Variants in MACROD2 observed in about 807,000 individuals in gnomAD.
MACROD2 encodes mono-ADP ribosylhydrolase 2.
Under a neutral mutation model 70.4 loss-of-function variants are expected in MACROD2, and 36 were observed. That is an observed-to-expected ratio of 0.51 (90% confidence interval 0.39 to 0.68). The LOEUF is 0.68. MACROD2 is among the 30% of genes least tolerant of loss of function. The pLI is 0.00. For synonymous variants in MACROD2, 172 were observed against 178.8 expected (o/e 0.96, Z 0.30); for missense variants, 496 against 538.4 (o/e 0.92, Z 0.78).
At chr20:16,038,045 CTTT>C (rs57617707) in intron 15 of MACROD2, among the ~76,000 whole-genome samples, 7 of 146,748 alleles carry the variant, frequency 4.8e-5, no homozygotes, top group Non-Finnish European at 7.6e-5. Flanking sequence ...ATTTGAAAAT[CTTT>C]TTTTTTTTAA....
chr20:14,108,489 A>C (rs1374023646), intron 3 of MACROD2, among the ~76,000 whole-genome samples: 1 of 151,866 alleles, frequency 6.6e-6, no homozygotes, highest in Non-Finnish European at 1.5e-5. Flanking sequence ...AAAAAAAAAA[A>C]AGCTAGACCC....
At chr20:15,830,545 A>G (rs898069825) in intron 8 of MACROD2, among the ~76,000 whole-genome samples, 5 of 152,222 alleles carry the variant, frequency 3.3e-5, no homozygotes, top group Non-Finnish European at 7.3e-5. Flanking sequence ...ATTAAACGAC[A>G]CAGAATGAGG....
intron 4 of MACROD2, among the ~76,000 whole-genome samples, chr20:14,532,466 G>T (rs1360121400): frequency 1.3e-5 from 2 of 150,966 alleles, no homozygotes; most frequent in African/African-American, 2.4e-5. Flanking sequence ...CTCGTGATCC[G>T]CACGTCTCAG....
At chr20:14,480,025 A>C (rs1461344652) in intron 3 of MACROD2, among the ~76,000 whole-genome samples, 1 of 151,958 alleles carries the variant, frequency 6.6e-6, no homozygotes, top group Non-Finnish European at 1.5e-5. Flanking sequence ...TAATAAGTGC[A>C]TGCCACCATG....
chr20:14,372,677 G>C (rs1189197795), intron 3 of MACROD2, among the ~76,000 whole-genome samples: 7 of 151,986 alleles, frequency 4.6e-5, no homozygotes, highest in African/African-American at 1.7e-4. Flanking sequence ...TTATTTCTTA[G>C]TTATGGTAGA....
At chr20:14,023,612 T>G (rs1189049369) in intron 2 of MACROD2, among the ~76,000 whole-genome samples, 1 of 152,238 alleles carries the variant, frequency 6.6e-6, no homozygotes, top group East Asian at 1.9e-4. Context: ...TTCAGTTTTC[T>G]GCATATGGCT....
At chr20:14,906,561 T>G (rs1205464188) in intron 5 of MACROD2, among the ~76,000 whole-genome samples, 1 of 152,156 alleles carries the variant, frequency 6.6e-6, no homozygotes, top group African/African-American at 2.4e-5. Flanking sequence ...CACTTCCTAA[T>G]AGCTTGCTTC....
chr20:15,936,992 C>T (rs6105500), intron 11 of MACROD2, among the ~76,000 whole-genome samples: 3,464 of 152,196 alleles, frequency 0.023, 71 homozygotes, highest in African/African-American at 0.05. Context: ...CCCCTTCTTC[C>T]AGGCCTCTGT....
chr20:14,151,642 T>C lies in MACROD2; in HGVS notation c.271+65914T>C, dbSNP rs577604835. On this transcript the variant is annotated intron_variant, in intron 3 of 17. Transcript: ENST00000684519. ...TTGAGTATAATTGTAACCAATTTTATGGTAATTATTTTTGAAAGAAAAACA... is the reference window on the plus strand; with the variant it reads ...TTGAGTATAATTGTAACCAATTTTACGGTAATTATTTTTGAAAGAAAAACA... Among the ~76,000 whole-genome samples, 6 of 152,236 alleles carry C rather than the reference T, an allele frequency of 3.9e-5. No individual in the cohort carries two copies. The East Asian group carries it at 9.7e-4, about 25-fold the overall frequency.
intron 3 of MACROD2, among the ~76,000 whole-genome samples, chr20:14,430,285 G>A (rs538814476): frequency 6.6e-6 from 1 of 152,240 alleles, no homozygotes; most frequent in African/African-American, 2.4e-5. Flanking sequence ...ACATGATCAG[G>A]ATTTTGCTTC....
At chr20:15,707,840 A>G (rs1017192872) in intron 8 of MACROD2, among the ~76,000 whole-genome samples, 1 of 152,008 alleles carries the variant, frequency 6.6e-6, no homozygotes, top group African/African-American at 2.4e-5. Context: ...ATCCCTTTAG[A>G]TATTTATTAG....
chr20:14,517,935 T>C (rs1332279736), intron 4 of MACROD2, among the ~76,000 whole-genome samples: 2 of 152,142 alleles, frequency 1.3e-5, no homozygotes, highest in African/African-American at 2.4e-5. Context: ...GAGACTGTTA[T>C]AATGTTTGGT....
At chr20:15,056,018 C>T (rs536806394) in intron 5 of MACROD2, among the ~76,000 whole-genome samples, 2 of 152,188 alleles carry the variant, frequency 1.3e-5, no homozygotes, top group East Asian at 1.9e-4. Flanking sequence ...AACTCCTGAC[C>T]TCAAGTGATC....
rs575889882 is a variant in MACROD2 at position 15,375,793 on chromosome 20, G to A, written c.541-55612G>A. 2.0e-5 allele frequency among the ~76,000 whole-genome samples: 3 copies of A among 152,168 alleles called. No homozygotes were observed. In the South Asian group the frequency reaches 6.2e-4, roughly 32 times the overall value. ...TATGATAGTTTTAGCATCTAAACTA[G>A]CCTAAAAAGGGCTAGTTTTAGGCCC... On this transcript the variant is annotated intron_variant, in intron 6 of 17. Transcript: ENST00000684519.
intron 3 of MACROD2, among the ~76,000 whole-genome samples, chr20:14,162,035 C>T (rs1340842354): frequency 6.6e-6 from 1 of 152,204 alleles, no homozygotes; most frequent in African/African-American, 2.4e-5. Context: ...GAACTTCCCT[C>T]TTAGCACTGC....
chr20:16,052,960 CAAAT>C lies in MACROD2; in HGVS notation c.*3089_*3092del, dbSNP rs2067477338. 1 of 152,222 alleles carries C rather than the reference CAAAT, an allele frequency of 6.6e-6. No homozygotes were observed. The highest frequency in any genetic ancestry group is 1.5e-5 in the Non-Finnish European group (1 of 67,988). 9.4% of individuals were successfully genotyped at this position (152,222 alleles called of 1,614,324 possible). A position where few individuals can be genotyped will look rare whatever the true frequency, so the allele number is the denominator to read the frequency against. On this transcript the variant is annotated 3_prime_UTR_variant, in exon 18 of 18. Coordinates refer to ENST00000684519, the MANE Select transcript of MACROD2 (RefSeq NM_001351661.2). ...GATCAAGATATGTTTTTACTTAATG[CAAAT>C]AAATGTAGTCTGTTGCTTGCAAGGA...
At chr20:14,277,168 A>C (rs984904370) in intron 3 of MACROD2, among the ~76,000 whole-genome samples, 3 of 152,028 alleles carry the variant, frequency 2.0e-5, no homozygotes, top group African/African-American at 7.2e-5. Flanking sequence ...TTAACTGGGC[A>C]TGGTGGCACT....
At chr20:15,082,358 G>A (rs1393879246) in intron 5 of MACROD2, among the ~76,000 whole-genome samples, 6 of 152,018 alleles carry the variant, frequency 3.9e-5, no homozygotes, top group East Asian at 1.9e-4. Context: ...GCTTATTGGC[G>A]GTAGTTTGGA....
At chr20:15,084,389 C>T (rs1023686442) in intron 5 of MACROD2, among the ~76,000 whole-genome samples, 1 of 152,028 alleles carries the variant, frequency 6.6e-6, no homozygotes, top group Non-Finnish European at 1.5e-5. Context: ...CTTACCATCT[C>T]TCTTGCTTTT....
Sources: gnomAD v4.1 joint callset for allele counts (sites outside exome capture counted in the v4.1 genomes callset) on GRCh38, gnomAD v4.1.1 for gene constraint, MANE v1.5 for transcripts, NCBI Gene and HGNC (gene_info 2026-07-23, HGNC 2026-07-21) for gene names.